STAM: variants seen among roughly 807,000 people sequenced by gnomAD.
The protein encoded by STAM is signal transducing adapter molecule 1.
In STAM, 16 loss-of-function variants were observed where a neutral mutation model predicts 63.4. The ratio of observed to expected loss-of-function variants is 0.25; its 90% CI spans 0.17 to 0.38. The LOEUF is 0.38. Among genes scored for constraint, STAM ranks in the 10% least tolerant of loss-of-function variants. The pLI is 1.00. For synonymous variants in STAM, 238 were observed against 223.9 expected (o/e 1.06, Z -0.56); for missense variants, 636 against 657.1 (o/e 0.97, Z 0.35).
At chr10:17,663,466 A>G (rs908576587) in intron 2 of STAM, among the ~76,000 whole-genome samples, 18 of 152,126 alleles carry the variant, frequency 1.2e-4, no homozygotes, top group Non-Finnish European at 2.2e-4. Flanking sequence ...TACTTAGGAA[A>G]TATTTTCAAC....
chr10:17,712,467 T>G (rs1836599752), intron 13 of STAM, among the ~76,000 whole-genome samples: 1 of 152,186 alleles, frequency 6.6e-6, no homozygotes, highest in Non-Finnish European at 1.5e-5. Context: ...GTTGGAGAAA[T>G]GTAGCATTAA....
At chr10:17,698,932 T>C (rs180761236) in intron 8 of STAM, among the ~76,000 whole-genome samples, 1 of 152,318 alleles carries the variant, frequency 6.6e-6, no homozygotes, top group Non-Finnish European at 1.5e-5. Flanking sequence ...TCTTTTCCTT[T>C]ATAGGAAAAT....
rs1017651781 is a variant in STAM, at chr10:17,671,479, A to G, written c.125+10931A>G. ...ACAGATGAGGTCTGTCAAAGCTTCAAATCGTTTTTCTACTGTATCACAATG... is the reference window on the plus strand; with the variant it reads ...ACAGATGAGGTCTGTCAAAGCTTCAGATCGTTTTTCTACTGTATCACAATG... On this transcript the variant is annotated intron_variant, in intron 2 of 13. Transcript: ENST00000377524. Among the ~76,000 whole-genome samples the G allele has an allele frequency of 2.6e-5, 4 of 152,310 alleles. No individual in the cohort carries two copies. The South Asian group carries it at 6.2e-4, about 24-fold the overall frequency.
intron 13 of STAM, among the ~76,000 whole-genome samples, chr10:17,711,219 T>G (rs1288253203): frequency 6.6e-6 from 1 of 152,218 alleles, no homozygotes; most frequent in Non-Finnish European, 1.5e-5. Flanking sequence ...TTTTCAGACT[T>G]CTGTCATCCT....
At chr10:17,707,377 T>A (rs973591234) in intron 12 of STAM, among the ~76,000 whole-genome samples, 3 of 152,100 alleles carry the variant, frequency 2.0e-5, no homozygotes, top group Non-Finnish European at 4.4e-5. Context: ...GCCATTGCAC[T>A]CCAGCCTGGG....
chr10:17,688,544 C>T (rs1328359743), intron 5 of STAM, among the ~76,000 whole-genome samples: 5 of 152,062 alleles, frequency 3.3e-5, no homozygotes, highest in African/African-American at 9.7e-5. Context: ...CTCACTGCCA[C>T]CTCTGCCTCC....
intron 5 of STAM, among the ~76,000 whole-genome samples, chr10:17,692,175 GA>G (rs566756504): frequency 1.1e-3 from 161 of 152,312 alleles, no homozygotes; most frequent in African/African-American, 3.4e-3. Context: ...CATCCAGCTA[GA>G]AAGTGGTAGA....
At chr10:17,672,003 A>G (rs1375163850) in intron 2 of STAM, among the ~76,000 whole-genome samples, 1 of 152,196 alleles carries the variant, frequency 6.6e-6, no homozygotes, top group Non-Finnish European at 1.5e-5. Context: ...GGTTTTTATG[A>G]TACTAAAAAG....
At chr10:17,644,569 C>G (rs552053734) in intron 1 of STAM, among the ~76,000 whole-genome samples, 190 bp downstream of exon 1, 84 of 152,264 alleles carry the variant, frequency 5.5e-4, no homozygotes, top group African/African-American at 2.0e-3. Flanking sequence ...AGAAATGGGA[C>G]TCATCCTGTG....
At chr10:17,702,443 A>C (rs7082188) in intron 9 of STAM, among the ~76,000 whole-genome samples, 53 of 152,294 alleles carry the variant, frequency 3.5e-4, no homozygotes, top group African/African-American at 1.3e-3. Context: ...GTGGTGTTTA[A>C]ATTCCTTTGG....
At chr10:17,664,524 T>C (rs1273970507) in intron 2 of STAM, among the ~76,000 whole-genome samples, 1 of 152,166 alleles carries the variant, frequency 6.6e-6, no homozygotes, top group Admixed American at 6.5e-5. Context: ...ATCTGGTTTA[T>C]GTTTTGGAGG....
chr10:17,684,521 T>C (rs1301718485), intron 2 of STAM, among the ~76,000 whole-genome samples, 154 bp from the exon 3 acceptor site: 1 of 152,202 alleles, frequency 6.6e-6, no homozygotes, highest in Non-Finnish European at 1.5e-5. Context: ...AAGGAACTAG[T>C]TTACAGTTTT....
At chr10:17,646,817 C>G (rs1379227852) in intron 1 of STAM, among the ~76,000 whole-genome samples, 2 of 152,166 alleles carry the variant, frequency 1.3e-5, no homozygotes, top group Non-Finnish European at 2.9e-5. Flanking sequence ...ATAGAATACA[C>G]TTAACAATTT....
chr10:17,644,159 T>C lies in STAM; in HGVS notation c.-181T>C, dbSNP rs1475605128. ...CGGGGGCTTCCTCGGCTCCTTGCTG[T>C]TGCCGCCGCCGCAGCTGCTGCCGCG... On this transcript the variant is annotated 5_prime_UTR_variant, in exon 1 of 14. Coordinates refer to ENST00000377524, the MANE Select transcript of STAM (RefSeq NM_003473.4). The C allele has an allele frequency of 2.3e-5, 15 of 650,152 alleles. No individual in the cohort carries two copies. The highest frequency in any genetic ancestry group is 2.2e-4 in the South Asian group (13 of 58,518). The allele number at this position is 650,152 out of a possible 1,614,324, so 40.3% of individuals were successfully genotyped here. A position where few individuals can be genotyped will look rare whatever the true frequency, so the allele number is the denominator to read the frequency against.
At chr10:17,661,623 A>G (rs1294161925) in intron 2 of STAM, among the ~76,000 whole-genome samples, 2 of 152,042 alleles carry the variant, frequency 1.3e-5, no homozygotes, top group East Asian at 3.9e-4. Context: ...TTTTAAACCT[A>G]CTTTCTTTCA....
intron 13 of STAM, among the ~76,000 whole-genome samples, chr10:17,711,495 T>G (rs185335927): frequency 3.9e-5 from 6 of 152,302 alleles, no homozygotes; most frequent in African/African-American, 1.2e-4. Flanking sequence ...AAATATAATT[T>G]TATACAACAT....
At chr10:17,683,028 G>A (rs749433169) in intron 2 of STAM, among the ~76,000 whole-genome samples, 8 of 152,130 alleles carry the variant, frequency 5.3e-5, no homozygotes, top group Non-Finnish European at 8.8e-5. Context: ...AACTGCTAAC[G>A]GTAGTGAATA....
chr10:17,645,207 T>C (rs1312836065), intron 1 of STAM, among the ~76,000 whole-genome samples: 4 of 152,178 alleles, frequency 2.6e-5, no homozygotes, highest in African/African-American at 7.2e-5. Context: ...TTGGTTTAAT[T>C]TGAACGCACG....
At chr10:17,686,938 G>C (rs1260113869) in intron 4 of STAM, among the ~76,000 whole-genome samples, 2 of 152,054 alleles carry the variant, frequency 1.3e-5, no homozygotes, top group Non-Finnish European at 2.9e-5. Context: ...TTCTTCTCTG[G>C]TATCTGTGAA....
Sources: gnomAD v4.1 joint callset for allele counts (sites outside exome capture counted in the v4.1 genomes callset) on GRCh38, gnomAD v4.1.1 for gene constraint, MANE v1.5 for transcripts, NCBI Gene and HGNC (gene_info 2026-07-23, HGNC 2026-07-21) for gene names.